MAN1A2: variants seen among roughly 807,000 people sequenced by gnomAD.
MAN1A2 encodes mannosidase alpha class 1A member 2.
Under a neutral mutation model 75.7 loss-of-function variants are expected in MAN1A2, and 26 were observed. That is an observed-to-expected ratio of 0.34 (90% confidence interval 0.25 to 0.48). The LOEUF is 0.48. MAN1A2 is among the 20% of genes least tolerant of loss of function. MAN1A2 has a pLI of 0.99. For synonymous variants in MAN1A2, 247 were observed against 264.6 expected (o/e 0.93, Z 0.65); for missense variants, 562 against 775.5 (o/e 0.72, Z 3.27).
intron 6 of MAN1A2, among the ~76,000 whole-genome samples, chr1:117,458,523 A>ATATATTTTTTTTTTT (rs1553236643): frequency 6.6e-5 from 7 of 105,602 alleles, no homozygotes; most frequent in Admixed American, 3.9e-4. Context: ...ATATATATAT[A>ATATATTTTTTTTTTT]TTTTTTTTTT....
At chr1:117,382,111 AT>A (rs1653364061) in intron 1 of MAN1A2, among the ~76,000 whole-genome samples, 1 of 151,610 alleles carries the variant, frequency 6.6e-6, no homozygotes. Context: ...GGTTGCGAAA[AT>A]TTTCTCCCAT....
intron 6 of MAN1A2, among the ~76,000 whole-genome samples, chr1:117,443,731 G>C (rs1488593057): frequency 6.6e-6 from 1 of 151,838 alleles, no homozygotes; most frequent in African/African-American, 2.4e-5. Context: ...AATTTTACTT[G>C]AGTTTTTATA....
intron 12 of MAN1A2, among the ~76,000 whole-genome samples, chr1:117,519,857 C>T (rs1651820158): frequency 1.3e-5 from 2 of 152,010 alleles, no homozygotes; most frequent in African/African-American, 2.4e-5. Flanking sequence ...AATACCAAAA[C>T]CAGGAAAGGA....
At chr1:117,471,777 C>T (rs1048443473) in intron 8 of MAN1A2, among the ~76,000 whole-genome samples, 7 of 151,516 alleles carry the variant, frequency 4.6e-5, no homozygotes, top group African/African-American at 1.2e-4. Flanking sequence ...ATTTCTAATT[C>T]ACATTCTTCC....
At chr1:117,491,573 A>G (rs772793140) in intron 8 of MAN1A2, among the ~76,000 whole-genome samples, 19 of 152,094 alleles carry the variant, frequency 1.2e-4, no homozygotes, top group Non-Finnish European at 2.4e-4. Flanking sequence ...GCCTGCTAAC[A>G]ACATCCATTC....
chr1:117,474,919 T>G (rs1650269610), intron 8 of MAN1A2, among the ~76,000 whole-genome samples: 1 of 151,992 alleles, frequency 6.6e-6, no homozygotes, highest in Admixed American at 6.6e-5. Flanking sequence ...GGGTTGCCTT[T>G]TCTAGAATCT....
intron 5 of MAN1A2, among the ~76,000 whole-genome samples, chr1:117,432,691 TATC>T (rs1448708787): frequency 6.6e-6 from 1 of 151,978 alleles, no homozygotes; most frequent in African/African-American, 2.4e-5. Flanking sequence ...AAGAAAGAAA[TATC>T]ATTCTTCCCC....
chr1:117,391,218 A>AAAAT (rs1410840483), intron 1 of MAN1A2, among the ~76,000 whole-genome samples: 3 of 152,164 alleles, frequency 2.0e-5, no homozygotes, highest in Non-Finnish European at 4.4e-5. Context: ...TATGACCTAG[A>AAAAT]AAATGGTCTG....
At chr1:117,446,375 A>T (rs562932672) in intron 6 of MAN1A2, among the ~76,000 whole-genome samples, 1 of 151,852 alleles carries the variant, frequency 6.6e-6, no homozygotes, top group Non-Finnish European at 1.5e-5. Context: ...ATCTTTCTAC[A>T]CTGATCTTAT....
intron 8 of MAN1A2, among the ~76,000 whole-genome samples, chr1:117,473,356 C>T (rs1650221388): frequency 6.6e-6 from 1 of 152,040 alleles, no homozygotes; most frequent in African/African-American, 2.4e-5. Context: ...GTCACCATCT[C>T]TTGCCTGGAT....
At chr1:117,445,209 A>G (rs1649173390) in intron 6 of MAN1A2, among the ~76,000 whole-genome samples, 2 of 152,260 alleles carry the variant, frequency 1.3e-5, no homozygotes, top group African/African-American at 4.8e-5. Flanking sequence ...AATTCCTTAG[A>G]TATTCCTTGG....
At chr1:117,416,121 A>G (rs977239123) in intron 4 of MAN1A2, among the ~76,000 whole-genome samples, 8 of 149,176 alleles carry the variant, frequency 5.4e-5, no homozygotes, top group Non-Finnish European at 1.1e-4. Context: ...AATGGAATTG[A>G]ATTTTTTTTA....
intron 6 of MAN1A2, among the ~76,000 whole-genome samples, chr1:117,458,197 A>G (rs1470539727): frequency 6.6e-6 from 1 of 152,058 alleles, no homozygotes; most frequent in East Asian, 1.9e-4. Context: ...AGTATATGTC[A>G]GGTTCACCAC....
intron 6 of MAN1A2, among the ~76,000 whole-genome samples, chr1:117,446,301 T>C (rs551099139): frequency 6.6e-6 from 1 of 152,106 alleles, no homozygotes; most frequent in East Asian, 1.9e-4. Context: ...ATTATTTCCT[T>C]CTCTTTTCTT....
chr1:117,526,580 G>A lies in MAN1A2; in HGVS notation c.*3623G>A, dbSNP rs986747750. On this transcript the variant is annotated 3_prime_UTR_variant, in exon 13 of 13. Transcript: ENST00000356554. The stretch of plus-strand genomic sequence containing the variant: ...CTTATTTTGCTATATCACTTTAATT[G>A]CATAATTAAAAAGCAGTGTTTTATA... The A allele has an allele frequency of 2.6e-5, 4 of 151,082 alleles. No individual in the cohort carries two copies. The highest frequency in any genetic ancestry group is 5.9e-5 in the Non-Finnish European group (4 of 67,578). The allele number at this position is 151,082 out of a possible 1,614,324, so 9.4% of individuals were successfully genotyped here.
intron 12 of MAN1A2, among the ~76,000 whole-genome samples, chr1:117,516,220 T>C (rs1387540807): frequency 6.6e-6 from 1 of 152,088 alleles, no homozygotes; most frequent in African/African-American, 2.4e-5. Flanking sequence ...TAAACAAATA[T>C]GGCTAAGATG....
At position 117,368,076 on chromosome 1, in the gene MAN1A2, A is replaced by C. The variant is rs1652828117; in HGVS notation, c.-108A>C. On this transcript the variant is annotated 5_prime_UTR_variant, in exon 1 of 13. Transcript: ENST00000356554. ...AGCACAACAGTCCTTTAAGAGGAGC[A>C]AAATTGAGTTTTCCCATTTTGGCCA... is the stretch of plus-strand genomic sequence containing the variant. The C allele has an allele frequency of 2.7e-6, 3 of 1,101,388 alleles. No homozygotes were observed. Among genetic ancestry groups the C allele is most frequent in the East Asian group, 2.4e-5 (1 of 42,320 alleles). The allele number at this position is 1,101,388 out of a possible 1,614,324, so 68.2% of individuals were successfully genotyped here. A position where few individuals can be genotyped will look rare whatever the true frequency, so the allele number is the denominator to read the frequency against.
chr1:117,401,529 A>G (rs1300683036), intron 1 of MAN1A2, among the ~76,000 whole-genome samples: 1 of 152,172 alleles, frequency 6.6e-6, no homozygotes, highest in Non-Finnish European at 1.5e-5. Flanking sequence ...GGCTGGGTGG[A>G]AAACGGTGTA....
At chr1:117,491,770 T>C (rs947251396) in intron 8 of MAN1A2, among the ~76,000 whole-genome samples, 1 of 151,914 alleles carries the variant, frequency 6.6e-6, no homozygotes, top group African/African-American at 2.4e-5. Flanking sequence ...TGGGAGGAGG[T>C]CAAAGTATGA....
Sources: allele counts gnomAD v4.1 joint callset (sites outside exome capture counted in the v4.1 genomes callset), GRCh38; gene constraint gnomAD v4.1.1; transcripts MANE v1.5; gene names NCBI Gene and HGNC (gene_info 2026-07-23, HGNC 2026-07-21).